MIER1: variants seen among roughly 807,000 people sequenced by gnomAD.
MIER1 encodes mesoderm induction early response protein 1.
A neutral mutation model predicts 75.7 loss-of-function variants in MIER1; 40 were observed. The ratio of observed to expected loss-of-function variants is 0.53; its 90% CI spans 0.41 to 0.69. The LOEUF is 0.69. Among genes scored for constraint, MIER1 ranks in the 30% least tolerant of loss-of-function variants. MIER1 has a pLI of 0.00. For missense variants in MIER1, 574 were observed against 680.2 expected (o/e 0.84, Z 1.74); for synonymous variants, 213 against 223.4 (o/e 0.95, Z 0.42).
chr1:66,975,475 G>C (rs145423615), intron 11 of MIER1, among the ~76,000 whole-genome samples: 1 of 151,898 alleles, frequency 6.6e-6, no homozygotes, highest in Non-Finnish European at 1.5e-5. Flanking sequence ...TGCAGTTAGC[G>C]GTTTGGTGCC....
At position 66,929,241 on chromosome 1, in the gene MIER1, C is replaced by T. The variant is rs560526252; in HGVS notation, c.168+2999C>T. On this transcript the variant is annotated intron_variant, in intron 2 of 13. Transcript: ENST00000401041. Reference sequence around the variant, plus strand: ...TTATTTGGAAGGAATGAATAATTCTCGTATTTAAATGGTTGATTTTGGTAG... The same window carrying T: ...TTATTTGGAAGGAATGAATAATTCTTGTATTTAAATGGTTGATTTTGGTAG... The T allele has an allele frequency of 2.2e-5, 8 of 365,436 alleles. No individual in the cohort carries two copies. The East Asian group carries it at 4.4e-4, about 20-fold the overall frequency. 22.6% of individuals were successfully genotyped at this position (365,436 alleles called of 1,614,324 possible).
Position 66,985,201 on chromosome 1 carries a change from A to G in MIER1, c.*301A>G, listed in dbSNP as rs547314336. On this transcript the variant is annotated 3_prime_UTR_variant, in exon 14 of 14. Transcript: ENST00000401041. ...GATTTACTAATTTTGGTAAATCTGA[A>G]TGAACTAAAGATGTATCTGTACCTT... 1.1e-4 allele frequency: 103 copies of G among 978,790 alleles called. No homozygotes were observed. The highest frequency in any genetic ancestry group is 1.2e-4 in the Non-Finnish European group (99 of 816,520). 60.6% of individuals were successfully genotyped at this position (978,790 alleles called of 1,614,324 possible).
chr1:66,929,131 T>G, intron 2 of MIER1: 1 of 653,876 alleles, frequency 1.5e-6, no homozygotes. Context: ...TTTAATAGCC[T>G]CCCCTATATT....
intron 7 of MIER1, 113 bp downstream of exon 7, chr1:66,959,856 C>T (rs1392144144): frequency 2.3e-6 from 1 of 436,874 alleles, no homozygotes; most frequent in African/African-American, 2.1e-5. Context: ...TCGATGTAAG[C>T]CCTTTTATGA....
At chr1:66,959,836 A>G (rs992010145) in intron 7 of MIER1, 93 bp downstream of exon 7, 7 of 512,170 alleles carry the variant, frequency 1.4e-5, no homozygotes, top group Middle Eastern at 4.9e-4. Flanking sequence ...AACTATGTAT[A>G]TTGATAAAAT....
intron 8 of MIER1, among the ~76,000 whole-genome samples, chr1:66,968,500 A>G (rs1336672663): frequency 1.3e-5 from 2 of 152,094 alleles, no homozygotes; most frequent in South Asian, 2.1e-4. Flanking sequence ...TACTTAATGG[A>G]TGGATCAGAA....
In MIER1 at chr1:66,926,140, A is replaced by G; in HGVS notation, c.68-2A>G. 1 of 1,612,910 alleles carries G rather than the reference A, an allele frequency of 6.2e-7. No individual in the cohort carries two copies. Among genetic ancestry groups the G allele is most frequent in the Non-Finnish European group, 8.5e-7 (1 of 1,178,988 alleles). On this transcript the variant is annotated splice_acceptor_variant, in intron 1 of 13. Transcript: ENST00000401041. LOFTEE classifies it high-confidence loss of function. ...ACTGAGGCTCTCTTTCCTTTGATCCAGATGGTGTGGTCGCTCGATTCTCCC... is the reference window on the plus strand; with the variant it reads ...ACTGAGGCTCTCTTTCCTTTGATCCGGATGGTGTGGTCGCTCGATTCTCCC...
intron 8 of MIER1, 117 bp from the exon 9 acceptor site, chr1:66,970,691 C>A: frequency 1.5e-6 from 1 of 673,652 alleles, no homozygotes; most frequent in Non-Finnish European, 2.3e-6. Context: ...AGTAGTAGAA[C>A]CACACTGTAC....
intron 8 of MIER1, among the ~76,000 whole-genome samples, chr1:66,968,524 T>G (rs142646221): frequency 2.0e-5 from 3 of 152,306 alleles, no homozygotes; most frequent in African/African-American, 7.2e-5. Context: ...TCCTTTTCAT[T>G]GATACGTGGA....
chr1:66,962,031 A>G (rs1024452672), intron 7 of MIER1, among the ~76,000 whole-genome samples: 8 of 152,230 alleles, frequency 5.3e-5, no homozygotes, highest in African/African-American at 1.7e-4. Context: ...CAAAACTTCT[A>G]GACCATGATT....
intron 3 of MIER1, among the ~76,000 whole-genome samples, chr1:66,945,212 A>G (rs1657214118): frequency 6.9e-6 from 1 of 145,410 alleles, no homozygotes; most frequent in Admixed American, 6.9e-5. Flanking sequence ...AATGCATAGT[A>G]TTTGCGTGTA....
chr1:66,969,656 T>C (rs1663208135), intron 8 of MIER1, among the ~76,000 whole-genome samples: 1 of 152,160 alleles, frequency 6.6e-6, no homozygotes, highest in Non-Finnish European at 1.5e-5. Flanking sequence ...CTGTTAGTTA[T>C]TCTTTGTCTC....
intron 5 of MIER1, among the ~76,000 whole-genome samples, 162 bp from the exon 6 acceptor site, chr1:66,958,689 T>G (rs1251714704): frequency 6.6e-6 from 1 of 151,652 alleles, no homozygotes; most frequent in Non-Finnish European, 1.5e-5. Flanking sequence ...TTTCTGCTAA[T>G]GTACTTTTTC....
At chr1:66,981,939 T>C (rs1460263465) in intron 13 of MIER1, 21 bp downstream of exon 13, 1 of 1,611,382 alleles carries the variant, frequency 6.2e-7, no homozygotes, top group South Asian at 1.1e-5. Flanking sequence ...AGAGAAACAT[T>C]TCTCTTTCTT....
At chr1:66,935,080 A>G (rs1335247671) in intron 2 of MIER1, among the ~76,000 whole-genome samples, 1 of 152,212 alleles carries the variant, frequency 6.6e-6, no homozygotes, top group African/African-American at 2.4e-5. Context: ...GAATAAAAAA[A>G]TCTAGTAATT....
At chr1:66,934,017 T>C (rs1170531514) in intron 2 of MIER1, among the ~76,000 whole-genome samples, 5 of 152,266 alleles carry the variant, frequency 3.3e-5, no homozygotes, top group Non-Finnish European at 5.9e-5. Context: ...CAGTCATTGC[T>C]TGGGGCTTGT....
At chr1:66,948,208 A>G (rs949822510) in intron 4 of MIER1, 5 of 935,072 alleles carry the variant, frequency 5.3e-6, no homozygotes, top group Middle Eastern at 1.1e-3. Flanking sequence ...TGGATATATC[A>G]GTCTGGTATG....
chr1:66,970,887 A>G lies in MIER1; in HGVS notation c.852A>G (p.Ala284=), dbSNP rs762937862. Residue 284 remains alanine (A), a synonymous_variant, in exon 9 of 14, where the codon GCA becomes GCG. Transcript: ENST00000401041. ...AAGTGATTATATTTCTTAAAGATGCATCTAGAAGAACAGGTGATGAGAAGG... is the reference window on the plus strand; with the variant it reads ...AAGTGATTATATTTCTTAAAGATGCGTCTAGAAGAACAGGTGATGAGAAGG... ...EDKVIIFLKD[A]SRRTGDEKGV... is the part of the protein sequence containing the mutation. 2 of 1,601,160 alleles carry G rather than the reference A, an allele frequency of 1.2e-6. No homozygotes were observed. Among genetic ancestry groups the G allele is most frequent in the Non-Finnish European group, 8.5e-7 (1 of 1,175,814 alleles).
At chr1:66,957,345 T>C (rs1660336801) in intron 4 of MIER1, among the ~76,000 whole-genome samples, 1 of 152,210 alleles carries the variant, frequency 6.6e-6, no homozygotes, top group Non-Finnish European at 1.5e-5. Flanking sequence ...ATATGGGCTT[T>C]TGGAGTTAGA....
Sources: allele counts gnomAD v4.1 joint callset (sites outside exome capture counted in the v4.1 genomes callset), GRCh38; gene constraint gnomAD v4.1.1; transcripts MANE v1.5; gene names NCBI Gene and HGNC (gene_info 2026-07-23, HGNC 2026-07-21).